ARMH3: variants seen among roughly 807,000 people sequenced by gnomAD.
ARMH3 encodes the protein armadillo-like helical domain-containing protein 3.
A neutral mutation model predicts 99.1 loss-of-function variants in ARMH3; 60 were observed. The observed-to-expected ratio is 0.61, with a 90% confidence interval of 0.49 to 0.75. ARMH3 has a LOEUF of 0.75. ARMH3 is among the 30% of genes least tolerant of loss of function. The pLI, the probability that ARMH3 is intolerant of heterozygous loss-of-function variation, is 0.00. For missense variants in ARMH3, 679 were observed against 843.1 expected (o/e 0.81, Z 2.41); for synonymous variants, 285 against 292.8 (o/e 0.97, Z 0.27).
At chr10:101,924,361 T>C (rs547500974) in intron 23 of ARMH3, among the ~76,000 whole-genome samples, 65 of 151,622 alleles carry the variant, frequency 4.3e-4, no homozygotes, top group African/African-American at 1.6e-3. Flanking sequence ...CTTTTCTGCA[T>C]TGCTTTTTTT....
At chr10:101,921,045 A>C (rs569435016) in intron 23 of ARMH3, among the ~76,000 whole-genome samples, 1 of 152,320 alleles carries the variant, frequency 6.6e-6, no homozygotes, top group South Asian at 2.1e-4. Flanking sequence ...AAGATGAAAA[A>C]GTTCTAGAGA....
chr10:101,936,553 G>C (rs1028501384), intron 23 of ARMH3, among the ~76,000 whole-genome samples: 3 of 149,934 alleles, frequency 2.0e-5, no homozygotes, highest in Non-Finnish European at 4.4e-5. Flanking sequence ...GAAACACTCT[G>C]AGGAAGGGTC....
At chr10:102,041,089 T>TAA (rs1283946992) in intron 1 of ARMH3, among the ~76,000 whole-genome samples, 2 of 114,978 alleles carry the variant, frequency 1.7e-5, no homozygotes, top group East Asian at 2.2e-4. Context: ...TATATATATA[T>TAA]AATATATATA....
At chr10:102,043,361 T>A (rs1466526128) in intron 1 of ARMH3, among the ~76,000 whole-genome samples, 1 of 152,198 alleles carries the variant, frequency 6.6e-6, no homozygotes, top group Admixed American at 6.5e-5. Context: ...CAGACTATTA[T>A]CTAATGATTC....
chr10:101,903,937 T>A (rs947079989), intron 23 of ARMH3, among the ~76,000 whole-genome samples: 3 of 152,180 alleles, frequency 2.0e-5, no homozygotes, highest in African/African-American at 7.2e-5. Flanking sequence ...CTAAACTAAC[T>A]GTAAACACAA....
intron 22 of ARMH3, among the ~76,000 whole-genome samples, chr10:101,948,213 T>C (rs901524107): frequency 6.6e-5 from 10 of 152,104 alleles, no homozygotes; most frequent in African/African-American, 1.9e-4. Flanking sequence ...ACACTTTAAA[T>C]ATAAAAATAT....
chr10:102,033,440 G>A, intron 2 of ARMH3, 101 bp from the exon 3 acceptor site: 1 of 1,214,284 alleles, frequency 8.2e-7, no homozygotes, highest in Non-Finnish European at 1.1e-6. Context: ...TTTTTTTTGA[G>A]ATGGAATCTC....
chr10:101,955,250 G>A (rs1474227187), intron 22 of ARMH3, among the ~76,000 whole-genome samples: 1 of 152,208 alleles, frequency 6.6e-6, no homozygotes, highest in Non-Finnish European at 1.5e-5. Flanking sequence ...CAACTGACTT[G>A]ATGCTAAAGC....
At chr10:101,960,035 GGGCGT>G (rs528861994) in intron 20 of ARMH3, among the ~76,000 whole-genome samples, 22 of 152,154 alleles carry the variant, frequency 1.4e-4, no homozygotes, top group Non-Finnish European at 2.4e-4. Context: ...AAAATTAGCT[GGGCGT>G]GGCGGTGTGC....
chr10:101,859,948 G>A (rs1462478589), intron 24 of ARMH3, among the ~76,000 whole-genome samples: 1 of 152,112 alleles, frequency 6.6e-6, no homozygotes, highest in Non-Finnish European at 1.5e-5. Flanking sequence ...CAGTTAAAAG[G>A]ATAAAATATT....
chr10:101,944,301 G>T (rs1312418282), intron 22 of ARMH3, among the ~76,000 whole-genome samples: 20 of 130,044 alleles, frequency 1.5e-4, no homozygotes, highest in East Asian at 6.4e-4. Flanking sequence ...GAGAGAGAGA[G>T]AGAGAGAGAG....
chr10:101,881,477 A>T (rs988839508), intron 24 of ARMH3, among the ~76,000 whole-genome samples: 17 of 152,194 alleles, frequency 1.1e-4, no homozygotes, highest in African/African-American at 3.4e-4. Context: ...TCTGTGGCAC[A>T]ACAATGGACA....
chr10:101,925,188 C>A (rs1014352291), intron 23 of ARMH3, among the ~76,000 whole-genome samples: 1 of 152,160 alleles, frequency 6.6e-6, no homozygotes, highest in Non-Finnish European at 1.5e-5. Flanking sequence ...GATTCAGCTG[C>A]TGAATAACAT....
chr10:102,005,537 A>G (rs184283013), intron 14 of ARMH3, among the ~76,000 whole-genome samples: 1 of 152,308 alleles, frequency 6.6e-6, no homozygotes, highest in Admixed American at 6.5e-5. Context: ...CGGGTGGTAT[A>G]TGAAAACTTA....
chr10:101,861,504 G>A lies in ARMH3; in HGVS notation c.1861-11612C>T, dbSNP rs146606514. Reference sequence around the variant, plus strand: ...TCCCAGCACTCTGGGAGGCTGAGGCGGACGGATCACGAGGGCAGGAGTTTG... The same window carrying A: ...TCCCAGCACTCTGGGAGGCTGAGGCAGACGGATCACGAGGGCAGGAGTTTG... On this transcript the variant is annotated intron_variant, in intron 24 of 25. Transcript: ENST00000370033. Among the ~76,000 whole-genome samples, 7 of 152,028 alleles carry A rather than the reference G, an allele frequency of 4.6e-5. No homozygotes were observed. In the South Asian group the frequency reaches 6.2e-4, roughly 14 times the overall value.
chr10:101,978,198 C>T (rs1000343414), intron 19 of ARMH3, among the ~76,000 whole-genome samples: 2 of 151,618 alleles, frequency 1.3e-5, no homozygotes, highest in African/African-American at 4.9e-5. Flanking sequence ...AAACTGGAAA[C>T]AACTATGGAA....
chr10:102,022,707 A>T (rs2066913604), intron 8 of ARMH3, among the ~76,000 whole-genome samples: 1 of 147,424 alleles, frequency 6.8e-6, no homozygotes, highest in African/African-American at 2.5e-5. Context: ...CAGCCTCCCG[A>T]GTAGCTGGGA....
chr10:101,875,130 T>C (rs1224158479), intron 24 of ARMH3, among the ~76,000 whole-genome samples: 1 of 152,104 alleles, frequency 6.6e-6, no homozygotes, highest in African/African-American at 2.4e-5. Context: ...TAAAGATACT[T>C]AGAAGCTGAG....
At chr10:101,959,155 G>C (rs951120882) in intron 20 of ARMH3, among the ~76,000 whole-genome samples, 7 of 152,192 alleles carry the variant, frequency 4.6e-5, no homozygotes, top group Admixed American at 3.9e-4. Context: ...CTGTTGGACT[G>C]GGGGGACAAA....
Sources: gnomAD v4.1 joint callset for allele counts (sites outside exome capture counted in the v4.1 genomes callset) on GRCh38, gnomAD v4.1.1 for gene constraint, MANE v1.5 for transcripts, NCBI Gene and HGNC (gene_info 2026-07-23, HGNC 2026-07-21) for gene names.